Variants in WWP1 observed in about 807,000 individuals in gnomAD.
WWP1 encodes the protein NEDD4-like E3 ubiquitin-protein ligase WWP1.
In WWP1, 49 loss-of-function variants were observed where a neutral mutation model predicts 130.6. The observed-to-expected ratio is 0.38, with a 90% confidence interval of 0.30 to 0.48. WWP1 has a LOEUF of 0.48. WWP1 is among the 20% of genes least tolerant of loss of function. The probability of loss-of-function intolerance (pLI) is 0.99; values close to 1 mark genes in which losing one functional copy is unlikely to be tolerated. For synonymous variants in WWP1, 332 were observed against 367.8 expected (o/e 0.90, Z 1.11); for missense variants, 809 against 1,100.6 (o/e 0.74, Z 3.75).
chr8:86,429,808 G>A (rs1174386900), intron 11 of WWP1, among the ~76,000 whole-genome samples: 1 of 152,150 alleles, frequency 6.6e-6, no homozygotes, highest in Non-Finnish European at 1.5e-5. Flanking sequence ...GACTGGGAGA[G>A]TAAAGTATTG....
rs185139825 is a variant in WWP1 at position 86,378,393 on chromosome 8, T to C, written c.71-2333T>C. Among the ~76,000 whole-genome samples, 28 of 152,282 alleles carry C rather than the reference T, an allele frequency of 1.8e-4. 1 individual carries two copies. The East Asian group carries it at 5.2e-3, about 28-fold the overall frequency. ...GTTCTCTTCATGTGACTCTTACTTATTTCTTAAGTTTATTACTAGATTTTT... is the reference window on the plus strand; with the variant it reads ...GTTCTCTTCATGTGACTCTTACTTACTTCTTAAGTTTATTACTAGATTTTT... On this transcript the variant is annotated intron_variant, in intron 3 of 24. Coordinates refer to ENST00000517970, the MANE Select transcript of WWP1 (RefSeq NM_007013.4).
chr8:86,387,597 T>C (rs1825358667), intron 5 of WWP1, among the ~76,000 whole-genome samples: 1 of 152,008 alleles, frequency 6.6e-6, no homozygotes. Context: ...ACTGCAGCCT[T>C]TGCCTCCTAG....
At chr8:86,455,301 T>C (rs576582384) in intron 21 of WWP1, among the ~76,000 whole-genome samples, 4 of 152,114 alleles carry the variant, frequency 2.6e-5, no homozygotes, top group African/African-American at 9.6e-5. Flanking sequence ...ACCACTTCTA[T>C]TCAATATTTT....
chr8:86,435,286 C>T (rs1332215331), intron 14 of WWP1, among the ~76,000 whole-genome samples, 166 bp from the exon 15 acceptor site: 4 of 152,112 alleles, frequency 2.6e-5, no homozygotes, highest in African/African-American at 9.7e-5. Context: ...GTAATAGTCC[C>T]CATTACTTGA....
intron 9 of WWP1, among the ~76,000 whole-genome samples, chr8:86,420,101 G>C (rs913603574): frequency 2.6e-5 from 4 of 152,118 alleles, no homozygotes; most frequent in African/African-American, 9.7e-5. Flanking sequence ...CCCAAAACTG[G>C]GTAGTGAAAG....
At position 86,380,861 on chromosome 8, in the gene WWP1, C is replaced by T; in HGVS notation, c.206C>T (p.Thr69Ile). 2 of 1,610,554 alleles carry T rather than the reference C, an allele frequency of 1.2e-6. No homozygotes were observed. Among genetic ancestry groups the T allele is most frequent in the South Asian group, 2.2e-5 (2 of 90,330 alleles). The part of the protein sequence containing the change: ...SSNPKWDEQL[T>I]VNVTPQTTLE... ...AATCCAAAATGGGATGAACAGCTAACTGTGTAAGTACCTTGTGTAAAGGAC... is the reference window on the plus strand; with the variant it reads ...AATCCAAAATGGGATGAACAGCTAATTGTGTAAGTACCTTGTGTAAAGGAC... Residue 69 changes from threonine (T) to isoleucine (I), a missense_variant, in exon 4 of 25, where the codon ACT (threonine) becomes ATT (isoleucine). By Grantham distance (89) the Thr-to-Ile change is moderately conservative. Around this residue, in one of 3 missense-constraint regions of WWP1, gnomAD observed 262 missense variants for 346.0 expected, o/e 0.76. Transcript: ENST00000517970.
At chr8:86,389,887 C>G (rs985163182) in intron 5 of WWP1, among the ~76,000 whole-genome samples, 1 of 151,994 alleles carries the variant, frequency 6.6e-6, no homozygotes, top group Non-Finnish European at 1.5e-5. Flanking sequence ...GGCTGCCCCC[C>G]ACCTCCTGGA....
intron 8 of WWP1, among the ~76,000 whole-genome samples, chr8:86,405,763 C>A (rs997335531): frequency 6.6e-6 from 1 of 151,970 alleles, no homozygotes; most frequent in African/African-American, 2.4e-5. Flanking sequence ...ATCTCCTGGC[C>A]CCAAGCAATC....
intron 22 of WWP1, among the ~76,000 whole-genome samples, chr8:86,460,876 C>A (rs1302355221): frequency 7.8e-6 from 1 of 128,594 alleles, no homozygotes; most frequent in Non-Finnish European, 1.6e-5. Context: ...GTGGCGTGAT[C>A]TTGGCTCACT....
At chr8:86,360,104 C>T (rs1440385272) in intron 1 of WWP1, among the ~76,000 whole-genome samples, 1 of 151,564 alleles carries the variant, frequency 6.6e-6, no homozygotes, top group African/African-American at 2.4e-5. Context: ...ATCTTTTACG[C>T]TTCTGTTTCT....
intron 24 of WWP1, among the ~76,000 whole-genome samples, chr8:86,465,088 A>G (rs1230404020): frequency 2.0e-5 from 3 of 152,162 alleles, no homozygotes; most frequent in African/African-American, 7.2e-5. Flanking sequence ...TGAGAGAAAG[A>G]AGGAATTGGG....
chr8:86,440,781 C>T, intron 17 of WWP1: 2 of 408,938 alleles, frequency 4.9e-6, no homozygotes, highest in South Asian at 3.6e-5. Flanking sequence ...CATCTTTTCT[C>T]TGATCATTTT....
intron 16 of WWP1, among the ~76,000 whole-genome samples, chr8:86,436,805 G>A (rs1586459467): frequency 6.6e-6 from 1 of 152,054 alleles, no homozygotes; most frequent in African/African-American, 2.4e-5. Flanking sequence ...AAATTATGCT[G>A]TGTACTCAGG....
At chr8:86,402,288 G>A in intron 8 of WWP1, 85 bp downstream of exon 8, 3 of 1,453,464 alleles carry the variant, frequency 2.1e-6, no homozygotes, top group Non-Finnish European at 2.8e-6. Context: ...TTCCCTTTTT[G>A]TGTAGTCTTT....
At chr8:86,436,335 T>C (rs1406371655) in intron 16 of WWP1, among the ~76,000 whole-genome samples, 2 of 152,216 alleles carry the variant, frequency 1.3e-5, no homozygotes, top group African/African-American at 4.8e-5. Context: ...CTGTATTCCA[T>C]TTGAGAATTC....
At chr8:86,396,564 CAT>C (rs1491359592) in intron 5 of WWP1, among the ~76,000 whole-genome samples, 70 of 106,742 alleles carry the variant, frequency 6.6e-4, no homozygotes, top group African/African-American at 2.4e-3. Flanking sequence ...ATGGTTTAAA[CAT>C]TTTTTTTTTT....
At chr8:86,445,802 C>A (rs1009973178) in intron 18 of WWP1, among the ~76,000 whole-genome samples, 4 of 151,912 alleles carry the variant, frequency 2.6e-5, no homozygotes, top group African/African-American at 9.7e-5. Flanking sequence ...TTTTCTGAAG[C>A]CTTGCCAACA....
chr8:86,358,525 A>G (rs991037961), intron 1 of WWP1, among the ~76,000 whole-genome samples: 3 of 150,260 alleles, frequency 2.0e-5, no homozygotes, highest in Non-Finnish European at 4.4e-5. Flanking sequence ...TCTGTCTCCC[A>G]GGCTAGAGTG....
At chr8:86,410,987 A>C (rs1391913564) in intron 8 of WWP1, among the ~76,000 whole-genome samples, 1 of 152,202 alleles carries the variant, frequency 6.6e-6, no homozygotes, top group African/African-American at 2.4e-5. Context: ...TAGATCAATC[A>C]CACTTAAAAT....
Sources: allele counts gnomAD v4.1 joint callset (sites outside exome capture counted in the v4.1 genomes callset), GRCh38; gene constraint gnomAD v4.1.1; regional missense constraint gnomAD v4.1.1; transcripts MANE v1.5; gene names NCBI Gene and HGNC (gene_info 2026-07-23, HGNC 2026-07-21).